PCDHGA5: variants seen among roughly 807,000 people sequenced by gnomAD.
The protein encoded by PCDHGA5 is protocadherin gamma subfamily A, 5.
A neutral mutation model predicts 56.7 loss-of-function variants in PCDHGA5; 36 were observed. That is an observed-to-expected ratio of 0.64 (90% CI 0.49 to 0.84). PCDHGA5 has a LOEUF of 0.84. PCDHGA5 is among the 40% of genes least tolerant of loss of function. The pLI is 0.00. For missense variants in PCDHGA5, 1,305 were observed against 1,201.5 expected (o/e 1.09, Z -1.27); for synonymous variants, 563 against 520.2 (o/e 1.08, Z -1.12).
Position 141,398,085 on chromosome 5 carries a change from T to C in PCDHGA5, c.2421+31334T>C, listed in dbSNP as rs140389005. 4,220 of 1,598,288 alleles carry C rather than the reference T, an allele frequency of 2.6e-3. 81 individuals carry two copies. In the African/African-American group the frequency reaches 0.047, roughly 18 times the overall value. ...TACAATACAGAGGTTATTTGTAACCTGGCGTCTCCAGGCTGGTGAGCAAGC... is the reference window on the plus strand; with the variant it reads ...TACAATACAGAGGTTATTTGTAACCCGGCGTCTCCAGGCTGGTGAGCAAGC... On this transcript the variant is annotated intron_variant, in intron 1 of 3. Coordinates refer to ENST00000518069, the MANE Select transcript of PCDHGA5 (RefSeq NM_018918.3).
chr5:141,369,438 G>A (rs1766245729), intron 1 of PCDHGA5, among the ~76,000 whole-genome samples: 3 of 152,098 alleles, frequency 2.0e-5, no homozygotes, highest in African/African-American at 7.2e-5. Flanking sequence ...ACGCTGAGGT[G>A]GGAGGATTGC....
intron 1 of PCDHGA5, among the ~76,000 whole-genome samples, chr5:141,461,536 T>C (rs1424913303): frequency 1.3e-5 from 2 of 152,240 alleles, no homozygotes; most frequent in Non-Finnish European, 2.9e-5. Context: ...TTCTGGATAC[T>C]AGTCCTTTGT....
At position 141,419,598 on chromosome 5, in the gene PCDHGA5, G is replaced by A. The variant is rs1466867194; in HGVS notation, c.2421+52847G>A. On this transcript the variant is annotated intron_variant, in intron 1 of 3. Transcript: ENST00000518069. ...TCCGCGCTCTTCGACACAGTGCCGC[G>A]GGCCGCGCAGCCAGGCTACCTGGTG... 21 of 1,611,674 alleles carry A rather than the reference G, an allele frequency of 1.3e-5. No individual in the cohort carries two copies. In the South Asian group the frequency reaches 1.3e-4, roughly 10 times the overall value.
intron 1 of PCDHGA5, chr5:141,372,959 A>T: frequency 1.4e-6 from 1 of 715,196 alleles, no homozygotes; most frequent in Non-Finnish European, 2.2e-6. Context: ...AATTCTTTGT[A>T]GAATTTCCTG....
chr5:141,431,093 G>A lies in PCDHGA5; in HGVS notation c.2422-63714G>A. 6.2e-7 allele frequency: 1 copy of A among 1,614,250 alleles called. No individual in the cohort carries two copies. The highest frequency in any genetic ancestry group is 8.5e-7 in the Non-Finnish European group (1 of 1,180,032). On this transcript the variant is annotated intron_variant, in intron 1 of 3. Transcript: ENST00000518069. The surrounding 1 kb of genome is among the most constrained non-coding windows in gnomAD (Gnocchi z 4.8). Reference sequence around the variant, plus strand: ...ATTAAATCTAGACATTCTGATGGAGGATAAAGTGAAAATATATGGAGTAGA... The same window carrying A: ...ATTAAATCTAGACATTCTGATGGAGAATAAAGTGAAAATATATGGAGTAGA...
intron 1 of PCDHGA5, chr5:141,418,730 G>A (rs371887408): frequency 6.2e-6 from 10 of 1,613,832 alleles, no homozygotes; most frequent in African/African-American, 1.3e-5. Context: ...AGCTCAGCAC[G>A]TGTTCTCTCT....
In PCDHGA5 at chr5:141,476,776, G is replaced by A. The variant is rs764674164; in HGVS notation, c.2422-18031G>A. 9.3e-6 allele frequency: 15 copies of A among 1,612,744 alleles called. No homozygotes were observed. The highest frequency in any genetic ancestry group is 1.3e-5 in the Non-Finnish European group (15 of 1,179,218). On this transcript the variant is annotated intron_variant, in intron 1 of 3. Coordinates refer to ENST00000518069, the MANE Select transcript of PCDHGA5 (RefSeq NM_018918.3). This position sits in a 1 kb window ranked among gnomAD's most constrained non-coding sequence, Gnocchi z 7.6. ...TAGTGCTGACGGCGTTGGACGGAGG[G>A]ACCCCAGCTCTCTCCGCCAGCCTGC...
chr5:141,454,464 T>C (rs1365696226), intron 1 of PCDHGA5, among the ~76,000 whole-genome samples: 1 of 152,196 alleles, frequency 6.6e-6, no homozygotes, highest in Non-Finnish European at 1.5e-5. Flanking sequence ...TGGAGTGCAA[T>C]GGCATGATCT....
intron 1 of PCDHGA5, chr5:141,378,418 G>T (rs1018299998): frequency 6.6e-6 from 1 of 152,330 alleles, no homozygotes; most frequent in African/African-American, 2.4e-5. Flanking sequence ...AGCTACTCGG[G>T]AGGCTGAGGC....
chr5:141,374,615 T>G lies in PCDHGA5; in HGVS notation c.2421+7864T>G, dbSNP rs777034606. ...ATTTAAGCTCAGTGGTAATAGTCACTTCTCAGTGGACGTGCAAAGCGAAGC... is the reference window on the plus strand; with the variant it reads ...ATTTAAGCTCAGTGGTAATAGTCACGTCTCAGTGGACGTGCAAAGCGAAGC... On this transcript the variant is annotated intron_variant, in intron 1 of 3. Coordinates refer to ENST00000518069, the MANE Select transcript of PCDHGA5 (RefSeq NM_018918.3). 108 of 1,613,570 alleles carry G rather than the reference T, an allele frequency of 6.7e-5. 1 individual carries two copies. In the East Asian group the frequency reaches 2.4e-3, roughly 35 times the overall value.
chr5:141,394,502 G>T, intron 1 of PCDHGA5: 1 of 1,614,226 alleles, frequency 6.2e-7, no homozygotes, highest in Non-Finnish European at 8.5e-7. Flanking sequence ...CCGAGATCCT[G>T]TACCCCGCCC....
chr5:141,409,879 A>C, intron 1 of PCDHGA5: 1 of 1,612,852 alleles, frequency 6.2e-7, no homozygotes. Context: ...ATGACAACGC[A>C]CCGCGGGTGC....
chr5:141,384,493 G>A lies in PCDHGA5; in HGVS notation c.2421+17742G>A, dbSNP rs370485526. The A allele has an allele frequency of 6.2e-7, 1 of 1,614,056 alleles. No individual in the cohort carries two copies. The highest frequency in any genetic ancestry group is 1.3e-5 in the African/African-American group (1 of 74,948). ...GCAGTTGAGAGAACTACAACTAAGA[G>A]TGACTGCACATGACAGCGGGGACCC... On this transcript the variant is annotated intron_variant, in intron 1 of 3. Coordinates refer to ENST00000518069, the MANE Select transcript of PCDHGA5 (RefSeq NM_018918.3).
chr5:141,509,839 T>C (rs1277859334), intron 3 of PCDHGA5, among the ~76,000 whole-genome samples: 4 of 152,162 alleles, frequency 2.6e-5, no homozygotes, highest in Non-Finnish European at 5.9e-5. Context: ...CTACCTCCCA[T>C]TCACTCAGAA....
intron 1 of PCDHGA5, among the ~76,000 whole-genome samples, chr5:141,368,447 C>T (rs1257309487): frequency 1.3e-5 from 2 of 152,048 alleles, no homozygotes; most frequent in African/African-American, 4.8e-5. Flanking sequence ...AATGTACAAA[C>T]TCACCGAATA....
chr5:141,446,398 G>A (rs1379233102), intron 1 of PCDHGA5, among the ~76,000 whole-genome samples: 2 of 152,128 alleles, frequency 1.3e-5, no homozygotes, highest in African/African-American at 2.4e-5. Context: ...AAGAGAAATC[G>A]AGTTGAGTTC....
At chr5:141,433,321 G>T in intron 1 of PCDHGA5, 1 of 788,106 alleles carries the variant, frequency 1.3e-6, no homozygotes. Flanking sequence ...TGCCTCCGGT[G>T]TAACAGGGAC....
intron 1 of PCDHGA5, among the ~76,000 whole-genome samples, chr5:141,450,005 TC>T (rs2098662434): frequency 1.0e-5 from 1 of 99,604 alleles, no homozygotes; most frequent in Non-Finnish European, 1.8e-5. Flanking sequence ...TTGCCATGTC[TC>T]TTTTTTTTTT....
In PCDHGA5 at chr5:141,477,602, C is replaced by G. The variant is rs772296229; in HGVS notation, c.2422-17205C>G. ...GCAGAATGCTCGGCTTTCTTTCTTT[C>G]TCTTGGAGCAAGGAGCTGAAACCGG... On this transcript the variant is annotated intron_variant, in intron 1 of 3. Coordinates refer to ENST00000518069, the MANE Select transcript of PCDHGA5 (RefSeq NM_018918.3). This position sits in a 1 kb window ranked among gnomAD's most constrained non-coding sequence, Gnocchi z 4.9. 6.2e-7 allele frequency: 1 copy of G among 1,614,098 alleles called. No homozygotes were observed. Among genetic ancestry groups the G allele is most frequent in the East Asian group, 2.2e-5 (1 of 44,898 alleles).
Sources: allele counts gnomAD v4.1 joint callset (sites outside exome capture counted in the v4.1 genomes callset), GRCh38; gene constraint gnomAD v4.1.1; non-coding constraint Gnocchi (gnomAD v3.1); transcripts MANE v1.5; gene names NCBI Gene and HGNC (gene_info 2026-07-23, HGNC 2026-07-21).